Variants in SORCS2 observed in about 807,000 individuals in gnomAD.
The protein encoded by SORCS2 is sortilin related VPS10 domain containing receptor 2, also known as VPS10 domain-containing receptor SorCS2.
In SORCS2, 100 loss-of-function variants were observed where a neutral mutation model predicts 141.6. That is an observed-to-expected ratio of 0.71 (90% CI 0.60 to 0.83). The LOEUF (loss-of-function observed/expected upper bound fraction) is 0.83. SORCS2 is among the 40% of genes least tolerant of loss of function. The pLI, the probability that SORCS2 is intolerant of heterozygous loss-of-function variation, is 0.00. For synonymous variants in SORCS2, 789 were observed against 676.9 expected (o/e 1.17, Z -2.57); for missense variants, 1,646 against 1,560.2 (o/e 1.05, Z -0.93).
chr4:7,436,824 T>C (rs977275607), intron 2 of SORCS2, among the ~76,000 whole-genome samples: 3 of 152,216 alleles, frequency 2.0e-5, no homozygotes, highest in African/African-American at 7.2e-5. Flanking sequence ...CGAACACTTC[T>C]GTGTATGTCT....
chr4:7,400,582 A>T (rs893532339), intron 2 of SORCS2, among the ~76,000 whole-genome samples: 4 of 152,178 alleles, frequency 2.6e-5, no homozygotes, highest in African/African-American at 9.7e-5. Context: ...CAGATCTGGC[A>T]TAGGAGATAC....
At chr4:7,675,157 T>A (rs1226567497) in intron 8 of SORCS2, among the ~76,000 whole-genome samples, 1 of 152,232 alleles carries the variant, frequency 6.6e-6, no homozygotes, top group Non-Finnish European at 1.5e-5. Flanking sequence ...TATTCCCAGT[T>A]TTCCTTTTTA....
intron 23 of SORCS2, among the ~76,000 whole-genome samples, chr4:7,731,624 C>A (rs1309310324): frequency 6.6e-6 from 1 of 152,148 alleles, no homozygotes; most frequent in Non-Finnish European, 1.5e-5. Context: ...CAGACACAGA[C>A]CCATGGAACA....
rs911716588 is a variant in SORCS2 at position 7,534,824 on chromosome 4, G to A, written c.648+3195G>A. ...CAGCTTTGTGCCCTCCATGGCCAGA[G>A]GAAAATGAATTTCTATTGCTTCAAG... On this transcript the variant is annotated intron_variant, in intron 3 of 26. Coordinates refer to ENST00000507866, the MANE Select transcript of SORCS2 (RefSeq NM_020777.3). Among the ~76,000 whole-genome samples, 12 of 152,374 alleles carry A rather than the reference G, an allele frequency of 7.9e-5. No individual in the cohort carries two copies. The South Asian group carries it at 2.5e-3, about 32-fold the overall frequency.
intron 1 of SORCS2, among the ~76,000 whole-genome samples, chr4:7,297,848 G>T (rs1399819162): frequency 6.6e-6 from 1 of 152,118 alleles, no homozygotes; most frequent in Non-Finnish European, 1.5e-5. Context: ...CTTTGTGCTG[G>T]CCCCACCGTC....
chr4:7,601,237 A>T (rs750116787), intron 3 of SORCS2, among the ~76,000 whole-genome samples: 3 of 152,166 alleles, frequency 2.0e-5, no homozygotes, highest in Non-Finnish European at 4.4e-5. Context: ...ACTCCAAAAA[A>T]CCAGCTTTGA....
At chr4:7,449,716 G>C (rs78914312) in intron 2 of SORCS2, among the ~76,000 whole-genome samples, 7,916 of 152,068 alleles carry the variant, frequency 0.052, 272 homozygotes, top group African/African-American at 0.097. Context: ...GGAGGGAAGC[G>C]GCTTCTCAGA....
chr4:7,376,405 C>T (rs953550608), intron 1 of SORCS2, among the ~76,000 whole-genome samples: 7 of 152,054 alleles, frequency 4.6e-5, no homozygotes, highest in Admixed American at 3.3e-4. Context: ...GGTGAAACCC[C>T]GTCTTTACGA....
chr4:7,450,078 T>C (rs1463029139), intron 2 of SORCS2, among the ~76,000 whole-genome samples: 1 of 152,210 alleles, frequency 6.6e-6, no homozygotes, highest in Non-Finnish European at 1.5e-5. Context: ...CCAGGATGGA[T>C]GTGGGCAAGG....
chr4:7,379,779 T>C (rs1722879700), intron 1 of SORCS2, among the ~76,000 whole-genome samples: 1 of 152,200 alleles, frequency 6.6e-6, no homozygotes, highest in Non-Finnish European at 1.5e-5. Context: ...TTCCAAGACC[T>C]CTATGAAGGG....
At chr4:7,305,369 T>A (rs1222236290) in intron 1 of SORCS2, among the ~76,000 whole-genome samples, 1 of 151,822 alleles carries the variant, frequency 6.6e-6, no homozygotes, top group Non-Finnish European at 1.5e-5. Flanking sequence ...TAGTTTTTTT[T>A]TTTTTTTTTC....
chr4:7,361,682 G>T (rs1032583376), intron 1 of SORCS2, among the ~76,000 whole-genome samples: 7 of 151,496 alleles, frequency 4.6e-5, no homozygotes, highest in Non-Finnish European at 1.0e-4. Context: ...GAGAGAAGGG[G>T]TGTGGGGGCC....
chr4:7,582,248 G>A (rs1041130062), intron 3 of SORCS2, among the ~76,000 whole-genome samples: 1 of 152,200 alleles, frequency 6.6e-6, no homozygotes, highest in East Asian at 1.9e-4. Flanking sequence ...GGCCATACAG[G>A]ACAATAGGGG....
chr4:7,626,053 G>A (rs1000945682), intron 3 of SORCS2, among the ~76,000 whole-genome samples: 1 of 152,040 alleles, frequency 6.6e-6, no homozygotes, highest in African/African-American at 2.4e-5. Flanking sequence ...AGGCTGAGGC[G>A]GGAGGATGGC....
intron 3 of SORCS2, among the ~76,000 whole-genome samples, chr4:7,604,609 G>C (rs1192352431): frequency 6.6e-6 from 1 of 152,182 alleles, no homozygotes; most frequent in Non-Finnish European, 1.5e-5. Flanking sequence ...TATGGTGATG[G>C]TTTTAAAAGC....
Position 7,315,383 on chromosome 4 carries a change from C to G in SORCS2, c.481-80905C>G, listed in dbSNP as rs1018521008. 4.9e-4 allele frequency among the ~76,000 whole-genome samples: 74 copies of G among 152,266 alleles called. 6 individuals are homozygous for G. Reference sequence around the variant, plus strand: ...CTCATTCTCATTTCCATTCTTGCCACTCACATTCTTGGCTCTGGCCAATGG... The same window carrying G: ...CTCATTCTCATTTCCATTCTTGCCAGTCACATTCTTGGCTCTGGCCAATGG... On this transcript the variant is annotated intron_variant, in intron 1 of 26. Transcript: ENST00000507866.
intron 1 of SORCS2, among the ~76,000 whole-genome samples, chr4:7,330,375 C>T (rs1046973293): frequency 1.3e-5 from 2 of 152,014 alleles, no homozygotes; most frequent in African/African-American, 2.4e-5. Flanking sequence ...CGGCAAATTT[C>T]AGGTCAGGGC....
chr4:7,520,296 C>T (rs757318292), intron 2 of SORCS2, among the ~76,000 whole-genome samples: 4 of 152,200 alleles, frequency 2.6e-5, no homozygotes, highest in Non-Finnish European at 4.4e-5. Context: ...TTATAGATAG[C>T]GAGGGATTCG....
At chr4:7,297,468 G>T (rs1030345593) in intron 1 of SORCS2, among the ~76,000 whole-genome samples, 3 of 152,054 alleles carry the variant, frequency 2.0e-5, no homozygotes, top group African/African-American at 7.2e-5. Context: ...GAGCTCTGGG[G>T]GTTGGGAAGC....
Sources: gnomAD v4.1 joint callset for allele counts (sites outside exome capture counted in the v4.1 genomes callset) on GRCh38, gnomAD v4.1.1 for gene constraint, MANE v1.5 for transcripts, NCBI Gene and HGNC (gene_info 2026-07-23, HGNC 2026-07-21) for gene names.